GRID1: variants seen among roughly 807,000 people sequenced by gnomAD.
GRID1 encodes glutamate receptor ionotropic, delta-1.
In GRID1, 28 loss-of-function variants were observed where a neutral mutation model predicts 98.0. The ratio of observed to expected loss-of-function variants is 0.29; its 90% CI spans 0.21 to 0.39. The LOEUF (loss-of-function observed/expected upper bound fraction) is 0.39. GRID1 is among the 10% of genes least tolerant of loss of function. GRID1 has a pLI of 1.00. For missense variants in GRID1, 1,111 were observed against 1,340.5 expected, an observed-to-expected ratio of 0.83 and a Z score of 2.67; for synonymous variants, 553 against 538.5, an observed-to-expected ratio of 1.03 and a Z score of -0.37.
intron 12 of GRID1, among the ~76,000 whole-genome samples, chr10:85,682,101 C>T (rs1211624370): frequency 6.6e-6 from 1 of 152,076 alleles, no homozygotes; most frequent in Non-Finnish European, 1.5e-5. Flanking sequence ...TTCTCTGCAG[C>T]AAGGGACAAG....
At chr10:85,894,815 C>A (rs1007584569) in intron 5 of GRID1, among the ~76,000 whole-genome samples, 6 of 151,624 alleles carry the variant, frequency 4.0e-5, no homozygotes, top group African/African-American at 1.5e-4. Flanking sequence ...CAAGACCAGC[C>A]TTGCCAGCAT....
intron 4 of GRID1, among the ~76,000 whole-genome samples, chr10:86,004,829 T>G (rs1007740059): frequency 6.6e-6 from 1 of 152,104 alleles, no homozygotes; most frequent in Admixed American, 6.6e-5. Context: ...TTGCAGCAGC[T>G]GATGGACAGA....
At chr10:86,109,333 C>T (rs1366848679) in intron 4 of GRID1, among the ~76,000 whole-genome samples, 6 of 152,196 alleles carry the variant, frequency 3.9e-5, no homozygotes, top group African/African-American at 1.2e-4. Flanking sequence ...GATATGCTCC[C>T]GCCACCGCCC....
chr10:85,682,140 G>A (rs903850438), intron 12 of GRID1, among the ~76,000 whole-genome samples: 1 of 152,200 alleles, frequency 6.6e-6, no homozygotes, highest in Non-Finnish European at 1.5e-5. Context: ...GCAGATGGAA[G>A]GAAAAGGCAA....
At chr10:86,290,064 C>A (rs1847491673) in intron 2 of GRID1, among the ~76,000 whole-genome samples, 1 of 152,218 alleles carries the variant, frequency 6.6e-6, no homozygotes, top group Non-Finnish European at 1.5e-5. Context: ...GCTAGCCCAT[C>A]CTTGGACCAC....
At chr10:85,661,095 A>G (rs1840960790) in intron 12 of GRID1, among the ~76,000 whole-genome samples, 1 of 152,122 alleles carries the variant, frequency 6.6e-6, no homozygotes, top group African/African-American at 2.4e-5. Flanking sequence ...CAGTGCTTGT[A>G]AACTGCCAAC....
intron 8 of GRID1, among the ~76,000 whole-genome samples, chr10:85,781,639 C>T (rs1292662084): frequency 2.0e-5 from 3 of 152,134 alleles, no homozygotes; most frequent in Non-Finnish European, 4.4e-5. Context: ...GAAATGCTAA[C>T]TCATTCCCTC....
intron 4 of GRID1, among the ~76,000 whole-genome samples, chr10:85,948,270 AG>A (rs1842077672): frequency 6.6e-6 from 1 of 152,228 alleles, no homozygotes; most frequent in African/African-American, 2.4e-5. Context: ...AATTATTCCA[AG>A]TGAAAAGTTT....
chr10:86,235,315 T>C (rs987057263), intron 2 of GRID1, among the ~76,000 whole-genome samples: 3 of 152,226 alleles, frequency 2.0e-5, no homozygotes, highest in Non-Finnish European at 4.4e-5. Flanking sequence ...GACCCAGGCC[T>C]GGAGAAGGCT....
chr10:85,995,703 C>T (rs1363262505), intron 4 of GRID1, among the ~76,000 whole-genome samples: 3 of 152,232 alleles, frequency 2.0e-5, no homozygotes, highest in African/African-American at 7.2e-5. Context: ...ACCCTCTTGA[C>T]CCCTTGCCCT....
intron 8 of GRID1, among the ~76,000 whole-genome samples, chr10:85,793,187 G>A (rs1842496705): frequency 6.6e-6 from 1 of 152,128 alleles, no homozygotes. Flanking sequence ...GAAATCCACT[G>A]CCTCAACCAG....
chr10:86,218,081 T>C (rs973014861), intron 2 of GRID1, among the ~76,000 whole-genome samples: 1 of 152,212 alleles, frequency 6.6e-6, no homozygotes, highest in Non-Finnish European at 1.5e-5. Flanking sequence ...AACCTATGTC[T>C]GACTTTTGTT....
intron 4 of GRID1, among the ~76,000 whole-genome samples, chr10:86,123,106 G>C (rs1290079334): frequency 6.6e-6 from 1 of 152,362 alleles, no homozygotes; most frequent in African/African-American, 2.4e-5. Context: ...TGCAATGCCA[G>C]GCCTGACTAC....
chr10:85,772,361 G>A (rs1302193065), intron 8 of GRID1, among the ~76,000 whole-genome samples: 2 of 151,638 alleles, frequency 1.3e-5, no homozygotes, highest in Middle Eastern at 3.2e-3. Flanking sequence ...ATGCCCACAA[G>A]AGAAAGCAGG....
At chr10:85,933,272 A>C (rs1841881702) in intron 4 of GRID1, among the ~76,000 whole-genome samples, 1 of 146,074 alleles carries the variant, frequency 6.8e-6, no homozygotes, top group Admixed American at 7.0e-5. Context: ...ATAAGAAATA[A>C]ATCTCTGTTC....
intron 4 of GRID1, among the ~76,000 whole-genome samples, chr10:85,967,581 G>A (rs11201856): frequency 0.027 from 4,045 of 152,202 alleles, 121 homozygotes; most frequent in East Asian, 0.13. Context: ...AGAGAAAATC[G>A]TGTCTAAAAA....
rs117758491 is a variant in GRID1 at position 85,963,013 on chromosome 10, A to G, written c.727-46774T>C. ...TAAGAAGCAGGTTCTGTGTGAGCCTAAGAGGAGCTGCCCAACCCAGCCAGG... is the reference window on the plus strand; with the variant it reads ...TAAGAAGCAGGTTCTGTGTGAGCCTGAGAGGAGCTGCCCAACCCAGCCAGG... On this transcript the variant is annotated intron_variant, in intron 4 of 15. Transcript: ENST00000327946. Among the ~76,000 whole-genome samples, 986 of 152,276 alleles carry G rather than the reference A, an allele frequency of 6.5e-3. 25 individuals carry two copies. The highest frequency in any genetic ancestry group is 0.02 in the East Asian group (101 of 5,172).
intron 12 of GRID1, among the ~76,000 whole-genome samples, chr10:85,697,822 G>A (rs974048902): frequency 6.6e-6 from 1 of 152,090 alleles, no homozygotes; most frequent in Non-Finnish European, 1.5e-5. Flanking sequence ...AAAAATTAAT[G>A]TGGATTAAAA....
intron 2 of GRID1, among the ~76,000 whole-genome samples, chr10:86,220,360 C>CT: frequency 6.6e-6 from 1 of 152,312 alleles, no homozygotes; most frequent in Admixed American, 6.5e-5. Flanking sequence ...CACCTTACTG[C>CT]TGTGGGCAAG....
Sources: gnomAD v4.1 joint callset for allele counts (sites outside exome capture counted in the v4.1 genomes callset) on GRCh38, gnomAD v4.1.1 for gene constraint, MANE v1.5 for transcripts, NCBI Gene and HGNC (gene_info 2026-07-23, HGNC 2026-07-21) for gene names.